The following PPP1R1C variants were observed in gnomAD, a reference collection of about 807,000 sequenced individuals.
The protein encoded by PPP1R1C is protein phosphatase 1 regulatory subunit 1C.
A neutral mutation model predicts 17.4 loss-of-function variants in PPP1R1C; 15 were observed. That is an observed-to-expected ratio of 0.86 (90% confidence interval 0.58 to 1.33). The LOEUF (loss-of-function observed/expected upper bound fraction) is 1.33, where lower values mean the gene tolerates loss of function less well. PPP1R1C is among the 40% of genes most tolerant of loss of function. The pLI is 0.00. For missense variants in PPP1R1C, 143 were observed against 130.0 expected (o/e 1.10, Z -0.48); for synonymous variants, 35 against 43.1 (o/e 0.81, Z 0.73).
chr2:182,050,644 C>T (rs955758640), intron 2 of PPP1R1C, among the ~76,000 whole-genome samples: 6 of 152,146 alleles, frequency 3.9e-5, no homozygotes, highest in African/African-American at 1.4e-4. Flanking sequence ...ACAGCCTTGC[C>T]TATTTATTTG....
intron 2 of PPP1R1C, among the ~76,000 whole-genome samples, chr2:182,006,707 G>T (rs1315223928): frequency 6.6e-6 from 1 of 152,152 alleles, no homozygotes; most frequent in East Asian, 1.9e-4. Context: ...GCCATTAGGA[G>T]TATAACACAA....
intron 5 of PPP1R1C, among the ~76,000 whole-genome samples, chr2:182,124,840 A>C (rs567317632): frequency 6.6e-6 from 1 of 152,182 alleles, no homozygotes; most frequent in African/African-American, 2.4e-5. Flanking sequence ...GTCATCTGCA[A>C]ACAGAGATAA....
At chr2:182,082,660 T>C (rs1189927953) in intron 4 of PPP1R1C, among the ~76,000 whole-genome samples, 1 of 152,162 alleles carries the variant, frequency 6.6e-6, no homozygotes, top group Non-Finnish European at 1.5e-5. Flanking sequence ...ATTCCAGCAA[T>C]AGAAATATAA....
chr2:182,001,359 A>C (rs943171056), intron 2 of PPP1R1C, among the ~76,000 whole-genome samples: 8 of 150,700 alleles, frequency 5.3e-5, no homozygotes, highest in African/African-American at 2.0e-4. Context: ...TGTTTTGTTT[A>C]ATGACCAATT....
At chr2:182,091,956 G>A (rs1432251058) in intron 4 of PPP1R1C, among the ~76,000 whole-genome samples, 1 of 152,040 alleles carries the variant, frequency 6.6e-6, no homozygotes, top group Non-Finnish European at 1.5e-5. Flanking sequence ...CTAGAACATA[G>A]TGACACTCAA....
intron 4 of PPP1R1C, among the ~76,000 whole-genome samples, chr2:182,068,788 T>C (rs1305734864): frequency 6.6e-6 from 1 of 152,188 alleles, no homozygotes; most frequent in East Asian, 1.9e-4. Context: ...GATTATGCAA[T>C]AAATATTTCT....
At chr2:182,028,014 AT>A (rs1362925687) in intron 2 of PPP1R1C, among the ~76,000 whole-genome samples, 4 of 127,310 alleles carry the variant, frequency 3.1e-5, no homozygotes, top group African/African-American at 6.0e-5. Flanking sequence ...TGTTTGTAGT[AT>A]TCTCTGATGG....
At chr2:182,049,679 C>T (rs541932334) in intron 2 of PPP1R1C, among the ~76,000 whole-genome samples, 1 of 152,150 alleles carries the variant, frequency 6.6e-6, no homozygotes, top group South Asian at 2.1e-4. Context: ...ATCATGTATT[C>T]CAATAATAAA....
chr2:182,010,736 T>G (rs1231652958), intron 2 of PPP1R1C, among the ~76,000 whole-genome samples: 1 of 152,076 alleles, frequency 6.6e-6, no homozygotes, highest in Non-Finnish European at 1.5e-5. Flanking sequence ...TTTCCCCCAT[T>G]CAGTATGATA....
chr2:182,097,365 T>A (rs1322384660), intron 4 of PPP1R1C, among the ~76,000 whole-genome samples: 1 of 152,192 alleles, frequency 6.6e-6, no homozygotes, highest in Non-Finnish European at 1.5e-5. Context: ...ACACATTCTC[T>A]CTTCTGATTT....
intron 1 of PPP1R1C, among the ~76,000 whole-genome samples, chr2:181,970,926 C>T (rs1003391133): frequency 3.9e-5 from 6 of 152,098 alleles, no homozygotes; most frequent in African/African-American, 1.4e-4. Context: ...GTTTAGTCAG[C>T]TCATGGTGAA....
intron 4 of PPP1R1C, among the ~76,000 whole-genome samples, chr2:182,088,188 C>T (rs1445979421): frequency 6.6e-5 from 10 of 151,942 alleles, no homozygotes; most frequent in South Asian, 4.2e-4. Flanking sequence ...TAAAGATTTA[C>T]GGGTAGATCT....
intron 4 of PPP1R1C, among the ~76,000 whole-genome samples, chr2:182,066,968 TTGTGTG>T (rs3064017): frequency 1.1e-4 from 16 of 144,822 alleles, no homozygotes; most frequent in East Asian, 6.0e-4. Context: ...GTGTGTGTGT[TTGTGTG>T]TGTGTGTGTG....
At chr2:182,079,561 C>T (rs1688411495) in intron 4 of PPP1R1C, among the ~76,000 whole-genome samples, 3 of 152,154 alleles carry the variant, frequency 2.0e-5, no homozygotes, top group Non-Finnish European at 4.4e-5. Flanking sequence ...GGTTGGATGC[C>T]TCATCTGTGC....
intron 5 of PPP1R1C, among the ~76,000 whole-genome samples, chr2:182,125,240 G>A (rs1485585989): frequency 6.6e-6 from 1 of 152,092 alleles, no homozygotes; most frequent in Non-Finnish European, 1.5e-5. Flanking sequence ...TGCATCCTAG[G>A]GATGAAGCCA....
chr2:182,031,249 C>G (rs552624266), intron 2 of PPP1R1C, among the ~76,000 whole-genome samples: 1 of 152,296 alleles, frequency 6.6e-6, no homozygotes, highest in Non-Finnish European at 1.5e-5. Flanking sequence ...CTATATTCTT[C>G]TATATGTGTT....
At chr2:181,955,631 G>A (rs1684657737) in intron 1 of PPP1R1C, among the ~76,000 whole-genome samples, 1 of 152,118 alleles carries the variant, frequency 6.6e-6, no homozygotes, top group African/African-American at 2.4e-5. Flanking sequence ...TACAAGCCTT[G>A]ATAATAATAT....
intron 4 of PPP1R1C, among the ~76,000 whole-genome samples, chr2:182,080,836 T>C (rs1321089214): frequency 2.6e-5 from 4 of 152,286 alleles, no homozygotes; most frequent in Middle Eastern, 3.4e-3. Context: ...AGTTTTCTTA[T>C]TGGTAAAATA....
At chr2:182,025,202 T>C (rs917057451) in intron 2 of PPP1R1C, among the ~76,000 whole-genome samples, 1 of 148,224 alleles carries the variant, frequency 6.7e-6, no homozygotes, top group African/African-American at 2.5e-5. Context: ...TATTATTATT[T>C]ATTTATTTAT....
Sources: gnomAD v4.1 joint callset for allele counts (sites outside exome capture counted in the v4.1 genomes callset) on GRCh38, gnomAD v4.1.1 for gene constraint, MANE v1.5 for transcripts, NCBI Gene and HGNC (gene_info 2026-07-23, HGNC 2026-07-21) for gene names.